TRHDE: variants seen among roughly 807,000 people sequenced by gnomAD.
TRHDE encodes the protein thyrotropin releasing hormone degrading enzyme, also known as thyrotropin-releasing hormone-degrading ectoenzyme.
In TRHDE, 72 loss-of-function variants were observed where a neutral mutation model predicts 125.7. That is an observed-to-expected ratio of 0.57 (90% CI 0.47 to 0.70). TRHDE has a LOEUF of 0.70. TRHDE is among the 30% of genes least tolerant of loss of function. TRHDE has a pLI of 0.00. For missense variants in TRHDE, 1,110 were observed against 1,327.1 expected (o/e 0.84, Z 2.54); for synonymous variants, 509 against 509.1 (o/e 1.00, Z 0.00).
chr12:72,202,277 A>C (rs1877575100), intron 2 of TRHDE, among the ~76,000 whole-genome samples: 1 of 152,110 alleles, frequency 6.6e-6, no homozygotes, highest in Admixed American at 6.5e-5. Flanking sequence ...TTGACAGGAG[A>C]TCTGAGGAAA....
At chr12:72,342,408 G>A (rs1205315718) in intron 2 of TRHDE, among the ~76,000 whole-genome samples, 1 of 152,102 alleles carries the variant, frequency 6.6e-6, no homozygotes, top group African/African-American at 2.4e-5. Flanking sequence ...TTTTCAAGAA[G>A]AGGGAGATTC....
intron 2 of TRHDE, among the ~76,000 whole-genome samples, chr12:72,176,514 A>G (rs1047907640): frequency 6.6e-6 from 1 of 152,134 alleles, no homozygotes; most frequent in Non-Finnish European, 1.5e-5. Flanking sequence ...AATACTCAAA[A>G]AGGGGGTGAC....
intron 2 of TRHDE, among the ~76,000 whole-genome samples, chr12:72,360,089 C>G (rs1871000068): frequency 6.6e-6 from 1 of 151,674 alleles, no homozygotes; most frequent in Non-Finnish European, 1.5e-5. Flanking sequence ...AGCACTCACA[C>G]AATACATTCC....
At chr12:72,237,336 C>T (rs911994036) in intron 2 of TRHDE, among the ~76,000 whole-genome samples, 1 of 152,078 alleles carries the variant, frequency 6.6e-6, no homozygotes, top group Non-Finnish European at 1.5e-5. Context: ...AGTAAATTGG[C>T]TACTAGGTGG....
intron 2 of TRHDE, among the ~76,000 whole-genome samples, chr12:72,297,537 G>A (rs1880347989): frequency 6.6e-6 from 1 of 152,182 alleles, no homozygotes; most frequent in Non-Finnish European, 1.5e-5. Context: ...AACAGGTTGG[G>A]AGAATCTCTG....
intron 2 of TRHDE, among the ~76,000 whole-genome samples, chr12:72,228,552 A>G (rs1878183231): frequency 6.6e-6 from 1 of 151,964 alleles, no homozygotes; most frequent in Non-Finnish European, 1.5e-5. Flanking sequence ...CATTTTCCCC[A>G]TTGTCTTTAC....
chr12:72,581,109 T>TTTGGATAAA (rs1871204318), intron 12 of TRHDE, among the ~76,000 whole-genome samples: 1 of 152,166 alleles, frequency 6.6e-6, no homozygotes, highest in Admixed American at 6.5e-5. Flanking sequence ...ACAGCAGCAA[T>TTTGGATAAA]GCCTCATGGC....
chr12:72,598,003 A>G (rs1426973925), intron 12 of TRHDE, among the ~76,000 whole-genome samples: 2 of 151,732 alleles, frequency 1.3e-5, no homozygotes, highest in African/African-American at 4.8e-5. Flanking sequence ...ATTACCAGGT[A>G]ATATTTATTT....
chr12:72,160,211 A>G (rs1202465668), intron 2 of TRHDE, among the ~76,000 whole-genome samples: 2 of 152,112 alleles, frequency 1.3e-5, no homozygotes, highest in African/African-American at 4.8e-5. Context: ...TCTGATTTCC[A>G]TTTGAATACT....
intron 7 of TRHDE, among the ~76,000 whole-genome samples, chr12:72,559,114 C>T (rs1870056602): frequency 6.6e-6 from 1 of 152,118 alleles, no homozygotes; most frequent in African/African-American, 2.4e-5. Flanking sequence ...TTTTCATGTG[C>T]TGTGCTCTTT....
intron 3 of TRHDE, among the ~76,000 whole-genome samples, chr12:72,447,468 T>C (rs1278712822): frequency 6.6e-6 from 1 of 152,094 alleles, no homozygotes; most frequent in East Asian, 1.9e-4. Context: ...CCTAGTGATG[T>C]CAATGTTGCC....
At chr12:72,593,770 G>A (rs544800986) in intron 12 of TRHDE, among the ~76,000 whole-genome samples, 8 of 152,104 alleles carry the variant, frequency 5.3e-5, no homozygotes, top group Non-Finnish European at 1.0e-4. Context: ...GCAGTGTTTG[G>A]TTTTCTGTCC....
chr12:72,315,480 T>C (rs1868754999), intron 2 of TRHDE, among the ~76,000 whole-genome samples: 1 of 152,234 alleles, frequency 6.6e-6, no homozygotes, highest in Admixed American at 6.5e-5. Context: ...CAGCATCTAG[T>C]TATGCATAGC....
chr12:72,286,443 T>G (rs1230483666), intron 1 of TRHDE, among the ~76,000 whole-genome samples: 1 of 152,232 alleles, frequency 6.6e-6, no homozygotes, highest in Non-Finnish European at 1.5e-5. Context: ...TGAGCACTTC[T>G]CTGGGTTTAA....
intron 2 of TRHDE, among the ~76,000 whole-genome samples, chr12:72,369,019 TATTGCCATCTTTG>T (rs1362815659): frequency 6.6e-6 from 1 of 152,188 alleles, no homozygotes; most frequent in Non-Finnish European, 1.5e-5. Context: ...GCTGAAACTT[TATTGCCATCTTTG>T]ACTTGTGGGA....
At chr12:72,404,759 T>A (rs1873196918) in intron 3 of TRHDE, among the ~76,000 whole-genome samples, 1 of 152,140 alleles carries the variant, frequency 6.6e-6, no homozygotes, top group African/African-American at 2.4e-5. Context: ...GGAGCTACAA[T>A]TCAATATGAG....
intron 12 of TRHDE, among the ~76,000 whole-genome samples, chr12:72,578,611 G>A (rs1204359614): frequency 6.6e-6 from 1 of 152,092 alleles, no homozygotes; most frequent in East Asian, 1.9e-4. Flanking sequence ...CTTCAATGAT[G>A]TGGAGGAGAA....
At chr12:72,126,407 C>T (rs1875715141) in intron 2 of TRHDE, among the ~76,000 whole-genome samples, 1 of 152,088 alleles carries the variant, frequency 6.6e-6, no homozygotes, top group Admixed American at 6.5e-5. Flanking sequence ...CCAAAGTAAT[C>T]CTAAGCTAAA....
intron 6 of TRHDE, among the ~76,000 whole-genome samples, chr12:72,523,164 A>G (rs1458987528): frequency 6.6e-6 from 1 of 152,102 alleles, no homozygotes; most frequent in Non-Finnish European, 1.5e-5. Flanking sequence ...TTTTTCCTGA[A>G]GAATAAGGAT....
Sources: gnomAD v4.1 joint callset for allele counts (sites outside exome capture counted in the v4.1 genomes callset) on GRCh38, gnomAD v4.1.1 for gene constraint, MANE v1.5 for transcripts, NCBI Gene and HGNC (gene_info 2026-07-23, HGNC 2026-07-21) for gene names.